DLG2: variants seen among roughly 807,000 people sequenced by gnomAD.
DLG2 encodes discs large MAGUK scaffold protein 2, also known as disks large homolog 2.
A neutral mutation model predicts 132.5 loss-of-function variants in DLG2; 45 were observed. That is an observed-to-expected ratio of 0.34 (90% CI 0.27 to 0.44). The LOEUF (loss-of-function observed/expected upper bound fraction) is 0.44. Ranked by LOEUF, DLG2 falls within the 20% of genes least tolerant of loss-of-function variation. DLG2 has a pLI of 1.00. For synonymous variants in DLG2, 424 were observed against 419.6 expected, an observed-to-expected ratio of 1.01 and a Z score of -0.13; for missense variants, 1,045 against 1,196.9, an observed-to-expected ratio of 0.87 and a Z score of 1.87.
chr11:84,854,583 A>G (rs73516917), intron 6 of DLG2, among the ~76,000 whole-genome samples: 1,602 of 152,032 alleles, frequency 0.011, 24 homozygotes, highest in African/African-American at 0.036. Context: ...AGTTAACCCA[A>G]ATCTTTGTTC....
chr11:84,771,428 C>T (rs1002834549), intron 6 of DLG2, among the ~76,000 whole-genome samples: 1 of 152,188 alleles, frequency 6.6e-6, no homozygotes, highest in African/African-American at 2.4e-5. Flanking sequence ...TGAAAAGCGT[C>T]TGTTCATATC....
chr11:84,859,662 T>A (rs1328725473), intron 6 of DLG2, among the ~76,000 whole-genome samples: 1 of 151,730 alleles, frequency 6.6e-6, no homozygotes, highest in Non-Finnish European at 1.5e-5. Flanking sequence ...AAAGCCACTA[T>A]TTTCCTCTTT....
At chr11:84,704,585 T>C (rs2059585241) in intron 6 of DLG2, among the ~76,000 whole-genome samples, 1 of 151,512 alleles carries the variant, frequency 6.6e-6, no homozygotes, top group South Asian at 2.1e-4. Flanking sequence ...AAATAAGAGA[T>C]AGCCCTGGCC....
rs181159506 is a variant in DLG2 at position 85,296,075 on chromosome 11, G to A, written c.41-10710C>T. Among the ~76,000 whole-genome samples, 15 of 152,108 alleles carry A rather than the reference G, an allele frequency of 9.9e-5. No homozygotes were observed. The East Asian group carries it at 1.9e-3, about 20-fold the overall frequency. ...AGAGTATTCAATAAATATTAGTTAC[G>A]CAATAATATTGTAACAATTTTTTCC... On this transcript the variant is annotated intron_variant, in intron 3 of 27. Transcript: ENST00000376104.
intron 6 of DLG2, among the ~76,000 whole-genome samples, chr11:84,549,129 G>C (rs1050087956): frequency 1.3e-5 from 2 of 152,192 alleles, no homozygotes; most frequent in Non-Finnish European, 2.9e-5. Context: ...AGGATGCAAA[G>C]GAAGGGGTTT....
At chr11:83,935,065 C>G (rs2081160630) in intron 14 of DLG2, among the ~76,000 whole-genome samples, 1 of 152,168 alleles carries the variant, frequency 6.6e-6, no homozygotes, top group Non-Finnish European at 1.5e-5. Context: ...GGTTATCCTG[C>G]TATGGTTTTC....
intron 18 of DLG2, among the ~76,000 whole-genome samples, chr11:83,726,131 A>T (rs893708954): frequency 6.6e-6 from 1 of 152,242 alleles, no homozygotes; most frequent in Non-Finnish European, 1.5e-5. Context: ...TCAGCTGTGA[A>T]TGTATTCATC....
At chr11:85,434,418 A>T (rs558120499) in intron 3 of DLG2, among the ~76,000 whole-genome samples, 1 of 151,916 alleles carries the variant, frequency 6.6e-6, no homozygotes, top group Non-Finnish European at 1.5e-5. Flanking sequence ...AAAAAAAAAT[A>T]GACCACTAAC....
chr11:84,255,847 A>T (rs900468756), intron 7 of DLG2, among the ~76,000 whole-genome samples: 2 of 152,160 alleles, frequency 1.3e-5, no homozygotes, highest in Non-Finnish European at 2.9e-5. Flanking sequence ...TGAAGAAAAA[A>T]AAATTCTTTC....
chr11:83,846,703 C>A (rs574314306), intron 16 of DLG2, among the ~76,000 whole-genome samples: 7 of 152,148 alleles, frequency 4.6e-5, no homozygotes, highest in Non-Finnish European at 1.0e-4. Flanking sequence ...ATCAATCAGA[C>A]AAATTAAAAA....
intron 9 of DLG2, among the ~76,000 whole-genome samples, chr11:84,138,600 A>C (rs2094702045): frequency 6.6e-6 from 1 of 152,332 alleles, no homozygotes; most frequent in East Asian, 1.9e-4. Flanking sequence ...ATATTTTGTC[A>C]CCTGGATATT....
chr11:84,025,352 CACA>C (rs1463310046), intron 11 of DLG2, among the ~76,000 whole-genome samples: 2 of 152,042 alleles, frequency 1.3e-5, no homozygotes, highest in African/African-American at 4.8e-5. Context: ...TATTCACTAT[CACA>C]ACAACAGCAC....
At chr11:84,203,617 T>C (rs1265520017) in intron 8 of DLG2, among the ~76,000 whole-genome samples, 1 of 147,500 alleles carries the variant, frequency 6.8e-6, no homozygotes, top group East Asian at 2.0e-4. Flanking sequence ...GATCATATCC[T>C]TTGCAGCAGG....
At chr11:84,098,255 T>C (rs1253676204) in intron 10 of DLG2, among the ~76,000 whole-genome samples, 1 of 152,078 alleles carries the variant, frequency 6.6e-6, no homozygotes, top group Admixed American at 6.6e-5. Flanking sequence ...GCCAGGCTGG[T>C]CTCAAACTCC....
At chr11:83,637,731 T>C (rs2065230652) in intron 18 of DLG2, among the ~76,000 whole-genome samples, 1 of 152,174 alleles carries the variant, frequency 6.6e-6, no homozygotes, top group Non-Finnish European at 1.5e-5. Flanking sequence ...CTTCCCTTCA[T>C]CTATTGTGTT....
chr11:84,133,627 C>CCTT (rs10536022), intron 9 of DLG2, among the ~76,000 whole-genome samples: 3 of 150,908 alleles, frequency 2.0e-5, no homozygotes, highest in Non-Finnish European at 4.4e-5. Context: ...ATAATTTTTT[C>CCTT]CTTCTTCTTC....
chr11:83,791,043 T>G, intron 17 of DLG2: 1 of 730,520 alleles, frequency 1.4e-6, no homozygotes. Context: ...GGTCTCAGAC[T>G]GAAGGTCGTG....
chr11:85,385,241 G>A (rs1565411953), intron 3 of DLG2, among the ~76,000 whole-genome samples: 1 of 152,182 alleles, frequency 6.6e-6, no homozygotes, highest in South Asian at 2.1e-4. Flanking sequence ...GAGCCTGATA[G>A]GGTTATTTTA....
At chr11:84,179,049 C>A (rs1015675415) in intron 8 of DLG2, among the ~76,000 whole-genome samples, 1 of 151,710 alleles carries the variant, frequency 6.6e-6, no homozygotes, top group Non-Finnish European at 1.5e-5. Context: ...AATTAGCTAA[C>A]AAAAACATCA....
Sources: allele counts gnomAD v4.1 joint callset (sites outside exome capture counted in the v4.1 genomes callset), GRCh38; gene constraint gnomAD v4.1.1; transcripts MANE v1.5; gene names NCBI Gene and HGNC (gene_info 2026-07-23, HGNC 2026-07-21).